CTTNBP2: variants seen among roughly 807,000 people sequenced by gnomAD.
CTTNBP2 encodes cortactin binding protein 2, also known as cortactin-binding protein 2.
In CTTNBP2, 108 loss-of-function variants were observed where a neutral mutation model predicts 156.9. The ratio of observed to expected loss-of-function variants is 0.69; its 90% confidence interval spans 0.59 to 0.81. The LOEUF is 0.81. CTTNBP2 is among the 30% of genes least tolerant of loss of function. The pLI, the probability that CTTNBP2 is intolerant of heterozygous loss-of-function variation, is 0.00. For synonymous variants in CTTNBP2, 767 were observed against 751.8 expected (o/e 1.02, Z -0.33); for missense variants, 1,924 against 2,035.4 (o/e 0.95, Z 1.05).
rs1333640559 is a variant in CTTNBP2 at position 117,724,987 on chromosome 7, A to G, written c.4261+65T>C. On this transcript the variant is annotated intron_variant, in intron 18 of 22. Transcript: ENST00000160373. Reference sequence around the variant, plus strand: ...TACAAAGAAAGAAAGCTCTCTAAAAACAGCTTTTAAAAGGTATTTCACAAG... The same window carrying G: ...TACAAAGAAAGAAAGCTCTCTAAAAGCAGCTTTTAAAAGGTATTTCACAAG... The G allele has an allele frequency of 4.1e-6, 6 of 1,458,852 alleles. No individual in the cohort carries two copies. The South Asian group carries it at 4.7e-5, about 11-fold the overall frequency. 90.4% of individuals were successfully genotyped at this position (1,458,852 alleles called of 1,614,324 possible). A position where few individuals can be genotyped will look rare whatever the true frequency, so the allele number is the denominator to read the frequency against.
intron 14 of CTTNBP2, among the ~76,000 whole-genome samples, chr7:117,736,580 T>C (rs931274436): frequency 6.6e-6 from 1 of 152,210 alleles, no homozygotes; most frequent in African/African-American, 2.4e-5. Context: ...TTCCGACTCA[T>C]ATTTTCCCAT....
At chr7:117,872,607 T>C (rs1404218896) in intron 1 of CTTNBP2, among the ~76,000 whole-genome samples, 1 of 151,982 alleles carries the variant, frequency 6.6e-6, no homozygotes, top group Admixed American at 6.6e-5. Flanking sequence ...GCCTCTAGAC[T>C]CCAGAGAAGG....
In CTTNBP2 at chr7:117,758,412, G is replaced by GA. The variant is rs771309620; in HGVS notation, c.3173-443dup. 4.1e-3 allele frequency among the ~76,000 whole-genome samples: 579 copies of GA among 140,164 alleles called. 2 individuals are homozygous for GA. The highest frequency in any genetic ancestry group is 9.0e-3 in the African/African-American group (345 of 38,444). The allele number at this position is 140,164 out of a possible 152,430, so 92.0% of individuals were successfully genotyped here. On this transcript the variant is annotated intron_variant, in intron 10 of 22. Coordinates refer to ENST00000160373, the MANE Select transcript of CTTNBP2 (RefSeq NM_033427.3). ...TTTCCAGCAAATTTTTAGATTCCAG[G>GA]AAAAAAAAAAAAAGATAATTTCAGG... is the stretch of plus-strand genomic sequence containing the variant.
chr7:117,825,943 G>A lies in CTTNBP2; in HGVS notation c.190-14954C>T, dbSNP rs144891860. On this transcript the variant is annotated intron_variant, in intron 2 of 22. Coordinates refer to ENST00000160373, the MANE Select transcript of CTTNBP2 (RefSeq NM_033427.3). ...AGAGAAATGGGAAATGGGAAGCCAC[G>A]TGCCAGTGCCAAAGCTTCCATGTTA... 1.3e-3 allele frequency among the ~76,000 whole-genome samples: 194 copies of A among 152,242 alleles called. 1 individual carries two copies. The highest frequency in any genetic ancestry group is 4.4e-3 in the African/African-American group (182 of 41,542).
At chr7:117,810,167 G>T (rs963912454) in intron 3 of CTTNBP2, among the ~76,000 whole-genome samples, 1 of 152,152 alleles carries the variant, frequency 6.6e-6, no homozygotes, top group Non-Finnish European at 1.5e-5. Context: ...CATGTGAGCA[G>T]GAGGCTTGAG....
chr7:117,791,042 G>C, intron 4 of CTTNBP2, 86 bp downstream of exon 4: 1 of 1,132,312 alleles, frequency 8.8e-7, no homozygotes, highest in South Asian at 1.6e-5. Flanking sequence ...TAAAAAAAAA[G>C]TTTCAAGGCA....
At chr7:117,840,083 A>C (rs1417268909) in intron 2 of CTTNBP2, among the ~76,000 whole-genome samples, 1 of 152,200 alleles carries the variant, frequency 6.6e-6, no homozygotes, top group Non-Finnish European at 1.5e-5. Context: ...CTGTTCATAC[A>C]ATCCACAAAT....
intron 2 of CTTNBP2, among the ~76,000 whole-genome samples, chr7:117,828,291 G>A (rs561533390): frequency 1.1e-4 from 16 of 152,246 alleles, no homozygotes; most frequent in African/African-American, 3.9e-4. Flanking sequence ...AGAAAGCAAA[G>A]AGTCCTTTCA....
At chr7:117,742,305 A>T (rs1196993317) in intron 14 of CTTNBP2, among the ~76,000 whole-genome samples, 1 of 152,216 alleles carries the variant, frequency 6.6e-6, no homozygotes, top group Non-Finnish European at 1.5e-5. Flanking sequence ...AGTGGAAACT[A>T]CAGCATGAGC....
chr7:117,782,031 C>T (rs1241721356), intron 6 of CTTNBP2, among the ~76,000 whole-genome samples: 2 of 152,180 alleles, frequency 1.3e-5, no homozygotes, highest in South Asian at 2.1e-4. Flanking sequence ...ATAAATAATT[C>T]ATTTTGAATT....
intron 2 of CTTNBP2, among the ~76,000 whole-genome samples, chr7:117,827,251 G>C (rs1432828476): frequency 1.3e-5 from 2 of 152,214 alleles, no homozygotes; most frequent in Non-Finnish European, 2.9e-5. Flanking sequence ...CATGTTGTGG[G>C]AGATGAATAT....
intron 9 of CTTNBP2, among the ~76,000 whole-genome samples, chr7:117,765,913 C>T (rs1038008251): frequency 6.6e-6 from 1 of 152,152 alleles, no homozygotes; most frequent in Non-Finnish European, 1.5e-5. Flanking sequence ...CCCAAAACAT[C>T]AATTGCGCTG....
chr7:117,799,863 TAAC>T (rs1257240029), intron 3 of CTTNBP2, among the ~76,000 whole-genome samples: 1 of 152,066 alleles, frequency 6.6e-6, no homozygotes, highest in African/African-American at 2.4e-5. Flanking sequence ...ACCTGCACAT[TAAC>T]AACAAACATT....
chr7:117,781,251 GC>G (rs1471926563), intron 6 of CTTNBP2, among the ~76,000 whole-genome samples: 5 of 152,360 alleles, frequency 3.3e-5, no homozygotes, highest in Admixed American at 3.3e-4. Context: ...AACATGTAGA[GC>G]TTAAGTTGTA....
At chr7:117,856,193 T>A (rs1803306430) in intron 2 of CTTNBP2, among the ~76,000 whole-genome samples, 1 of 152,214 alleles carries the variant, frequency 6.6e-6, no homozygotes, top group East Asian at 1.9e-4. Flanking sequence ...GTCTCACCGA[T>A]ACACCTGTGT....
rs536438097 is a variant in CTTNBP2, at chr7:117,726,430, C to T, written c.4056-1173G>A. Among the ~76,000 whole-genome samples, 102 of 152,054 alleles carry T rather than the reference C, an allele frequency of 6.7e-4. 3 individuals are homozygous for T. In the South Asian group the frequency reaches 0.02, roughly 29 times the overall value. Reference sequence around the variant, plus strand: ...AATTCTGGTATTCTACAGCATGAATCGAAATTATGCAGTTATTCCTAAAAG... The same window carrying T: ...AATTCTGGTATTCTACAGCATGAATTGAAATTATGCAGTTATTCCTAAAAG... On this transcript the variant is annotated intron_variant, in intron 17 of 22. Transcript: ENST00000160373.
chr7:117,849,256 C>T (rs1270075375), intron 2 of CTTNBP2, among the ~76,000 whole-genome samples: 1 of 152,164 alleles, frequency 6.6e-6, no homozygotes, highest in African/African-American at 2.4e-5. Context: ...TATGAGTGAC[C>T]GTCCTTTGGA....
intron 2 of CTTNBP2, among the ~76,000 whole-genome samples, chr7:117,860,343 C>CT (rs1563074250): frequency 6.6e-6 from 1 of 151,494 alleles, no homozygotes; most frequent in Admixed American, 6.6e-5. Context: ...TTTTTCTTTT[C>CT]TTTTTTCTTT....
rs780839372 is a variant in CTTNBP2 at position 117,791,114 on chromosome 7, T to G, written c.2068+14A>C. ...ATATTCTTTAAAAAGCGTATAACAT[T>G]TCAATCCCTTTACCTGATGCTGTTA... On this transcript the variant is annotated intron_variant, in intron 4 of 22. Coordinates refer to ENST00000160373, the MANE Select transcript of CTTNBP2 (RefSeq NM_033427.3). 2 of 1,600,040 alleles carry G rather than the reference T, an allele frequency of 1.2e-6. No homozygotes were observed. The highest frequency in any genetic ancestry group is 2.2e-5 in the South Asian group (2 of 89,694).
Sources: gnomAD v4.1 joint callset for allele counts (sites outside exome capture counted in the v4.1 genomes callset) on GRCh38, gnomAD v4.1.1 for gene constraint, MANE v1.5 for transcripts, NCBI Gene and HGNC (gene_info 2026-07-23, HGNC 2026-07-21) for gene names.